Variants in TVP23C observed in about 807,000 individuals in gnomAD.
TVP23C encodes the protein trans-golgi network vesicle protein 23 homolog C, also known as Golgi apparatus membrane protein TVP23 homolog C.
In TVP23C, 19 loss-of-function variants were observed where a neutral mutation model predicts 28.7. The ratio of observed to expected loss-of-function variants is 0.66; its 90% CI spans 0.46 to 0.97. TVP23C has a LOEUF of 0.97. Among genes scored for constraint, TVP23C ranks in the 50% least tolerant of loss-of-function variants. TVP23C has a pLI of 0.00. For synonymous variants in TVP23C, 68 were observed against 81.7 expected (o/e 0.83, Z 0.90); for missense variants, 186 against 241.3 (o/e 0.77, Z 1.52).
intron 5 of TVP23C, among the ~76,000 whole-genome samples, chr17:15,523,513 T>C (rs1982574959): frequency 1.3e-5 from 2 of 151,298 alleles, no homozygotes; most frequent in Admixed American, 6.6e-5. Flanking sequence ...TTCACCATGT[T>C]GGCCAGGCTA....
chr17:15,544,936 G>A (rs1983577864), intron 5 of TVP23C, among the ~76,000 whole-genome samples: 1 of 151,932 alleles, frequency 6.6e-6, no homozygotes, highest in Non-Finnish European at 1.5e-5. Context: ...AATAAATATT[G>A]TGTGAAAATT....
chr17:15,525,355 T>C (rs1376343622), intron 5 of TVP23C, among the ~76,000 whole-genome samples: 1 of 152,232 alleles, frequency 6.6e-6, no homozygotes, highest in Admixed American at 6.5e-5. Context: ...TGGCTAGTAC[T>C]GAGTTATTTA....
At chr17:15,527,837 C>T (rs912000227) in intron 5 of TVP23C, among the ~76,000 whole-genome samples, 2 of 152,176 alleles carry the variant, frequency 1.3e-5, no homozygotes, top group African/African-American at 4.8e-5. Context: ...TGAAACAATT[C>T]GTGGAAAGCA....
At position 15,547,285 on chromosome 17, in the gene TVP23C, C is replaced by T. The variant is rs1341319549; in HGVS notation, c.241-137G>A. ...CATAATATCCAGTTAGCAAAGACTA[C>T]TATGTATCAGGCCTGGCTAAACGAT... On this transcript the variant is annotated intron_variant, in intron 3 of 5. Transcript: ENST00000518321. The T allele has an allele frequency of 1.9e-5, 27 of 1,450,352 alleles. No homozygotes were observed. In the Admixed American group the frequency reaches 4.4e-4, roughly 24 times the overall value. 89.8% of individuals were successfully genotyped at this position (1,450,352 alleles called of 1,614,324 possible).
At chr17:15,536,258 T>C (rs1229400477), downstream of TVP23C, among the ~76,000 whole-genome samples, 2 of 152,206 alleles carry the variant, frequency 1.3e-5, no homozygotes. Flanking sequence ...AGACAGTATC[T>C]ACCTCATTTC....
chr17:15,531,845 G>A (rs1982962272), intron 5 of TVP23C, among the ~76,000 whole-genome samples: 2 of 152,102 alleles, frequency 1.3e-5, no homozygotes, highest in Non-Finnish European at 1.5e-5. Context: ...GTTGAAAACT[G>A]GAAAATTTAA....
chr17:15,543,127 C>G (rs1415077900), intron 5 of TVP23C, among the ~76,000 whole-genome samples: 7 of 150,304 alleles, frequency 4.7e-5, no homozygotes, highest in Admixed American at 3.3e-4. Flanking sequence ...GAAGAGAACG[C>G]AAAACCAGGC....
chr17:15,503,405 T>TTC (rs1981579789), intron 5 of TVP23C: 1 of 825,252 alleles, frequency 1.2e-6, no homozygotes, highest in Admixed American at 3.4e-5. Flanking sequence ...ACCATGATAT[T>TTC]TCAAGAAAAG....
At chr17:15,514,413 T>C (rs1481250218) in intron 5 of TVP23C, among the ~76,000 whole-genome samples, 1 of 152,224 alleles carries the variant, frequency 6.6e-6, no homozygotes, top group Non-Finnish European at 1.5e-5. Flanking sequence ...GTTAAAATGT[T>C]TGTAAGACCT....
At chr17:15,506,483 A>G (rs941036453) in intron 5 of TVP23C, among the ~76,000 whole-genome samples, 18 of 152,314 alleles carry the variant, frequency 1.2e-4, no homozygotes, top group African/African-American at 3.8e-4. Context: ...ACTGGGCTCT[A>G]CCAATCAGCA....
chr17:15,513,623 C>T (rs977588794), intron 5 of TVP23C, among the ~76,000 whole-genome samples: 1 of 152,186 alleles, frequency 6.6e-6, no homozygotes, highest in African/African-American at 2.4e-5. Context: ...TGAGGATTCT[C>T]TTTCACAGCA....
chr17:15,510,397 A>G (rs1238195873), intron 5 of TVP23C, among the ~76,000 whole-genome samples: 5 of 152,202 alleles, frequency 3.3e-5, no homozygotes, highest in Admixed American at 1.3e-4. Flanking sequence ...GTTCACCATC[A>G]CTAATTATCA....
intron 5 of TVP23C, among the ~76,000 whole-genome samples, chr17:15,523,415 A>G (rs925525536): frequency 1.3e-5 from 2 of 151,378 alleles, no homozygotes; most frequent in African/African-American, 2.4e-5. Flanking sequence ...GGTTCAAGCG[A>G]TTCTCCCGCC....
intron 3 of TVP23C, among the ~76,000 whole-genome samples, chr17:15,548,529 T>C (rs1424941219): frequency 2.6e-5 from 4 of 152,172 alleles, no homozygotes; most frequent in Non-Finnish European, 4.4e-5. Flanking sequence ...ATTATGAATG[T>C]AGACAACAAA....
downstream of TVP23C, among the ~76,000 whole-genome samples, chr17:15,534,946 C>A (rs1197677320): frequency 1.3e-5 from 2 of 151,152 alleles, no homozygotes; most frequent in Non-Finnish European, 2.9e-5. Context: ...CCAGCCTGGG[C>A]AACAAGAGAG....
intron 5 of TVP23C, among the ~76,000 whole-genome samples, chr17:15,528,844 C>T (rs1252147152): frequency 1.3e-5 from 2 of 151,248 alleles, no homozygotes; most frequent in African/African-American, 4.9e-5. Context: ...GTGACCTGCC[C>T]GCCTCAGCCT....
chr17:15,528,887 C>T (rs1311906581), intron 5 of TVP23C, among the ~76,000 whole-genome samples: 3 of 151,832 alleles, frequency 2.0e-5, no homozygotes, highest in Non-Finnish European at 4.4e-5. Context: ...AATCAGCCAC[C>T]GTGCCTGGCA....
At chr17:15,518,801 C>T (rs1982343831) in intron 5 of TVP23C, among the ~76,000 whole-genome samples, 1 of 152,096 alleles carries the variant, frequency 6.6e-6, no homozygotes, top group African/African-American at 2.4e-5. Flanking sequence ...GTTTTCCAAC[C>T]CTTCCTCAGG....
intron 5 of TVP23C, chr17:15,503,278 G>A (rs543964607): frequency 4.2e-6 from 6 of 1,445,244 alleles, no homozygotes; most frequent in South Asian, 1.5e-5. Context: ...GTAGTGGCGC[G>A]CCTGTGGTTC....
Sources: allele counts gnomAD v4.1 joint callset (sites outside exome capture counted in the v4.1 genomes callset), GRCh38; gene constraint gnomAD v4.1.1; transcripts MANE v1.5; gene names NCBI Gene and HGNC (gene_info 2026-07-23, HGNC 2026-07-21).